Variants in KMT2A observed in about 807,000 individuals in gnomAD.
KMT2A encodes histone-lysine N-methyltransferase 2A.
In KMT2A, 16 loss-of-function variants were observed where a neutral mutation model predicts 345.3. The observed-to-expected ratio is 0.05, with a 90% confidence interval of 0.03 to 0.07. The LOEUF is 0.07. Ranked by LOEUF, KMT2A falls within the 10% of genes least tolerant of loss-of-function variation. The pLI is 1.00. For missense variants in KMT2A, 3,272 were observed against 4,841.6 expected (o/e 0.68, Z 9.62); for synonymous variants, 1,599 against 1,778.6 (o/e 0.90, Z 2.54).
At chr11:118,518,416 T>C (rs983478005) in intron 31 of KMT2A, among the ~76,000 whole-genome samples, 3 of 152,232 alleles carry the variant, frequency 2.0e-5, no homozygotes, top group Admixed American at 6.5e-5. Flanking sequence ...CTACTGAGTG[T>C]ATTACTCCAC....
At position 118,488,619 on chromosome 11, in the gene KMT2A, G is replaced by A; in HGVS notation, c.4338G>A (p.Val1446=). ...TTCCCATGTTCTTACTATAGTTTGT[G>A]TATTGCCAAGTCTGTTGTGAGCCCT... ...LCASSGHVEF[V]YCQVCCEPFH... The change falls in exon 11 of 36, where the codon GTG becomes GTA. Residue 1446 remains valine, a synonymous_variant. Transcript: ENST00000534358. The A allele has an allele frequency of 1.9e-6, 3 of 1,613,732 alleles. No individual in the cohort carries two copies. The highest frequency in any genetic ancestry group is 2.5e-6 in the Non-Finnish European group (3 of 1,179,736).
intron 1 of KMT2A, 45 bp from the exon 2 acceptor site, chr11:118,468,730 G>A (rs2134249099): frequency 1.4e-6 from 2 of 1,468,482 alleles, no homozygotes; most frequent in Non-Finnish European, 1.9e-6. Context: ...GTGTTTGTAT[G>A]CACGTTTTTG....
rs145803732 is a variant in KMT2A at position 118,495,568 on chromosome 11, C to T, written c.5364-132C>T. ...TCTGTGTACTTCAGCAATTTTCAAA[C>T]GCTGTGACTTGTTCTTATATTCTGT... On this transcript the variant is annotated intron_variant, in intron 18 of 35. Transcript: ENST00000534358. This position sits in a 1 kb window ranked among gnomAD's most constrained non-coding sequence, Gnocchi z 4.1. 677 of 570,552 alleles carry T rather than the reference C, an allele frequency of 1.2e-3. 5 individuals are homozygous for T. The highest frequency in any genetic ancestry group is 7.8e-3 in the East Asian group (246 of 31,410). 35.3% of individuals were successfully genotyped at this position (570,552 alleles called of 1,614,324 possible). A position where few individuals can be genotyped will look rare whatever the true frequency, so the allele number is the denominator to read the frequency against.
In KMT2A at chr11:118,503,317, G is replaced by A. The variant is rs1359749720; in HGVS notation, c.7425G>A (p.Glu2475=). ...PEFMDEVLTP[E]YMGQRPCNNV... ...TTATGGATGAGGTTTTGACTCCTGA[G>A]TATATGGGCCAACGACCATGTAACA... Residue 2475 remains glutamate (E), a synonymous_variant, in exon 27 of 36, where the codon GAG becomes GAA. Coordinates refer to ENST00000534358, the MANE Select transcript of KMT2A (RefSeq NM_001197104.2). The surrounding 1 kb of genome is among the most constrained non-coding windows in gnomAD (Gnocchi z 5.3). The A allele has an allele frequency of 1.9e-6, 3 of 1,613,990 alleles. No homozygotes were observed. In the African/African-American group the frequency reaches 4.0e-5, roughly 22 times the overall value.
chr11:118,484,155 G>A lies in KMT2A; in HGVS notation c.4087-28G>A, dbSNP rs1950190242. 6 of 1,611,470 alleles carry A rather than the reference G, an allele frequency of 3.7e-6. No homozygotes were observed. The highest frequency in any genetic ancestry group is 3.4e-5 in the Admixed American group (2 of 59,574). On this transcript the variant is annotated intron_variant, in intron 8 of 35. Transcript: ENST00000534358. This position sits in a 1 kb window ranked among gnomAD's most constrained non-coding sequence, Gnocchi z 4.1. ...GTGAAGGCAAATAGGGTGTGATTTTGTTCTATATTCATCTTTTGTCTCCTT... is the reference window on the plus strand; with the variant it reads ...GTGAAGGCAAATAGGGTGTGATTTTATTCTATATTCATCTTTTGTCTCCTT...
chr11:118,522,502 C>G lies in KMT2A; in HGVS notation c.*330C>G, dbSNP rs782556948. On this transcript the variant is annotated 3_prime_UTR_variant, in exon 36 of 36. Transcript: ENST00000534358. This position sits in a 1 kb window ranked among gnomAD's most constrained non-coding sequence, Gnocchi z 5.4. ...GGGTTGGTTATGTTGGGAGATTGGG[C>G]CTGAATTTCTCCACAGAAATAAGTT... The G allele has an allele frequency of 6.7e-6, 2 of 298,754 alleles. No homozygotes were observed. Among genetic ancestry groups the G allele is most frequent in the Non-Finnish European group, 6.3e-6 (1 of 157,728 alleles). The allele number at this position is 298,754 out of a possible 1,614,324, so 18.5% of individuals were successfully genotyped here. A position where few individuals can be genotyped will look rare whatever the true frequency, so the allele number is the denominator to read the frequency against.
chr11:118,521,808 T>C lies in KMT2A; in HGVS notation c.11644-89T>C. ...CTAGAAGAAACTTTCTCAGCCGCTA[T>C]AGGTAACATCAAGAGAAGATTGGGA... is the stretch of plus-strand genomic sequence containing the variant. On this transcript the variant is annotated intron_variant, in intron 35 of 35. Coordinates refer to ENST00000534358, the MANE Select transcript of KMT2A (RefSeq NM_001197104.2). This position sits in a 1 kb window ranked among gnomAD's most constrained non-coding sequence, Gnocchi z 5.3. The C allele has an allele frequency of 7.2e-7, 1 of 1,379,440 alleles. No homozygotes were observed. Among genetic ancestry groups the C allele is most frequent in the Non-Finnish European group, 1.0e-6 (1 of 996,572 alleles). 85.5% of individuals were successfully genotyped at this position (1,379,440 alleles called of 1,614,324 possible).
intron 1 of KMT2A, chr11:118,439,158 C>CAAAAAAAAAAAAAAAATAAAAAA: frequency 3.8e-6 from 1 of 265,450 alleles, no homozygotes; most frequent in Non-Finnish European, 7.5e-6. Context: ...GATACAGCAG[C>CAAAAAAAAAAAAAAAATAAAAAA]AAAAAAAAAA....
chr11:118,502,131 T>G lies in KMT2A; in HGVS notation c.6506-267T>G, dbSNP rs1393008313. On this transcript the variant is annotated intron_variant, in intron 26 of 35. Coordinates refer to ENST00000534358, the MANE Select transcript of KMT2A (RefSeq NM_001197104.2). The surrounding 1 kb of genome is among the most constrained non-coding windows in gnomAD (Gnocchi z 4.9). ...AGCCAGGTGTGGCGGTGCATGCCTG[T>G]AATCCCAGCTACCCAGGAGGCTAAG... is the stretch of plus-strand genomic sequence containing the variant. Among the ~76,000 whole-genome samples, 1 of 151,898 alleles carries G rather than the reference T, an allele frequency of 6.6e-6. No homozygotes were observed. Among genetic ancestry groups the G allele is most frequent in the Non-Finnish European group, 1.5e-5 (1 of 67,990 alleles).
At position 118,501,536 on chromosome 11, in the gene KMT2A, G is replaced by A. The variant is rs1472187867; in HGVS notation, c.6320-136G>A. 4 of 687,446 alleles carry A rather than the reference G, an allele frequency of 5.8e-6. No individual in the cohort carries two copies. In the East Asian group the frequency reaches 1.1e-4, roughly 19 times the overall value. The allele number at this position is 687,446 out of a possible 1,614,324, so 42.6% of individuals were successfully genotyped here. On this transcript the variant is annotated intron_variant, in intron 25 of 35. Coordinates refer to ENST00000534358, the MANE Select transcript of KMT2A (RefSeq NM_001197104.2). ...CAGGGAGTACTATGATTGAAAGCTGGGGGAAAAGTCATTTACTTGGGAAGT... is the reference window on the plus strand; with the variant it reads ...CAGGGAGTACTATGATTGAAAGCTGAGGGAAAAGTCATTTACTTGGGAAGT...
intron 1 of KMT2A, among the ~76,000 whole-genome samples, chr11:118,468,574 C>T (rs1555034695): frequency 6.6e-6 from 1 of 152,074 alleles, no homozygotes; most frequent in Non-Finnish European, 1.5e-5. Flanking sequence ...TACACAGCTC[C>T]TATTTGTCTG....
chr11:118,480,772 C>T (rs1298327815), intron 6 of KMT2A, among the ~76,000 whole-genome samples: 1 of 152,132 alleles, frequency 6.6e-6, no homozygotes, highest in Non-Finnish European at 1.5e-5. Context: ...AAGCCATCCT[C>T]CCACCTCAGC....
At chr11:118,449,234 T>C (rs1565262485) in intron 1 of KMT2A, 1 of 151,932 alleles carries the variant, frequency 6.6e-6, no homozygotes, top group Non-Finnish European at 1.5e-5. Flanking sequence ...ACTCATATAT[T>C]TGAATATTCC....
chr11:118,453,853 T>C (rs1555029799), intron 1 of KMT2A, among the ~76,000 whole-genome samples: 1 of 152,204 alleles, frequency 6.6e-6, no homozygotes, highest in African/African-American at 2.4e-5. Flanking sequence ...TATCTCTTAC[T>C]TACCATATCT....
Position 118,505,476 on chromosome 11 carries a change from C to T in KMT2A, c.9584C>T (p.Pro3195Leu), listed in dbSNP as rs147412214. The T allele has an allele frequency of 2.0e-5, 32 of 1,614,062 alleles. No individual in the cohort carries two copies. The highest frequency in any genetic ancestry group is 1.5e-4 in the South Asian group (14 of 91,084). Residue 3195 changes from proline to leucine, a missense_variant, in exon 27 of 36, where the codon CCG (proline) becomes CTG (leucine). Pro to Leu is a moderately conservative substitution (Grantham distance 98). Transcript: ENST00000534358. The surrounding 1 kb of genome is among the most constrained non-coding windows in gnomAD (Gnocchi z 4.6). ...CTGCTTATTGGGGTTCAGCCTCCTC[C>T]GGATCCCCAACTTTTGGTTTCAGAA... ...SGLLIGVQPP[P>L]DPQLLVSESS...
At chr11:118,453,119 C>T (rs188226419) in intron 1 of KMT2A, among the ~76,000 whole-genome samples, 5 of 152,246 alleles carry the variant, frequency 3.3e-5, no homozygotes, top group East Asian at 1.9e-4. Flanking sequence ...TTTAAAAAAA[C>T]GCTTGACCCC....
At chr11:118,456,562 A>T (rs1031975067) in intron 1 of KMT2A, among the ~76,000 whole-genome samples, 13 of 150,698 alleles carry the variant, frequency 8.6e-5, no homozygotes, top group African/African-American at 3.2e-4. Context: ...CTGGTCTCAA[A>T]CTCCTGACCT....
At position 118,491,127 on chromosome 11, in the gene KMT2A, CA is replaced by C. The variant is rs1950318076; in HGVS notation, c.4697-67del. ...TAGATTTAGATTGGGTTGGTAAATGCAAGTCGAGGGCCGTAAAAACACGGGT... is the reference window on the plus strand; with the variant it reads ...TAGATTTAGATTGGGTTGGTAAATGCAGTCGAGGGCCGTAAAAACACGGGT... On this transcript the variant is annotated intron_variant, in intron 13 of 35. Transcript: ENST00000534358. This position sits in a 1 kb window ranked among gnomAD's most constrained non-coding sequence, Gnocchi z 4.2. The C allele has an allele frequency of 1.9e-6, 3 of 1,542,092 alleles. No individual in the cohort carries two copies. Among genetic ancestry groups the C allele is most frequent in the Admixed American group, 1.9e-5 (1 of 53,356 alleles).
chr11:118,468,726 G>C (rs782076480), intron 1 of KMT2A, 49 bp from the exon 2 acceptor site: 10 of 1,437,052 alleles, frequency 7.0e-6, no homozygotes, highest in Non-Finnish European at 9.8e-6. Flanking sequence ...GGATGTGTTT[G>C]TATGCACGTT....
Sources: gnomAD v4.1 joint callset for allele counts (sites outside exome capture counted in the v4.1 genomes callset) on GRCh38, gnomAD v4.1.1 for gene constraint, Gnocchi (gnomAD v3.1) non-coding constraint, MANE v1.5 for transcripts, NCBI Gene and HGNC (gene_info 2026-07-23, HGNC 2026-07-21) for gene names.